The following AVL9 variants were observed in gnomAD, a reference collection of about 807,000 sequenced individuals.
The protein encoded by AVL9 is late secretory pathway protein AVL9 homolog.
AVL9 carries 49 observed loss-of-function variants against 79.2 expected under a neutral mutation model. The ratio of observed to expected loss-of-function variants is 0.62; its 90% CI spans 0.49 to 0.79. The LOEUF (loss-of-function observed/expected upper bound fraction) is 0.79, where lower values mean the gene tolerates loss of function less well. Among genes scored for constraint, AVL9 ranks in the 30% least tolerant of loss-of-function variants. The pLI, the probability that AVL9 is intolerant of heterozygous loss-of-function variation, is 0.00. For missense variants in AVL9, 682 were observed against 776.8 expected (o/e 0.88, Z 1.45); for synonymous variants, 299 against 280.6 (o/e 1.07, Z -0.65).
chr7:32,499,817 A>G (rs1025176285), intron 1 of AVL9, among the ~76,000 whole-genome samples: 2 of 151,590 alleles, frequency 1.3e-5, no homozygotes, highest in African/African-American at 2.4e-5. Flanking sequence ...TCATTGTTCA[A>G]CTCCCACTTA....
In AVL9 at chr7:32,585,619, A is replaced by T. The variant is rs1465200541; in HGVS notation, c.*1712A>T. ...GTTTATTCCTCACTAAATGTTTAAG[A>T]AGTAAATGCTCCCAAGGCATTTGAA... On this transcript the variant is annotated 3_prime_UTR_variant, in exon 16 of 16. Coordinates refer to ENST00000318709, the MANE Select transcript of AVL9 (RefSeq NM_015060.3). 3 of 152,252 alleles carry T rather than the reference A, an allele frequency of 2.0e-5. No homozygotes were observed. The highest frequency in any genetic ancestry group is 7.2e-5 in the African/African-American group (3 of 41,454). The allele number at this position is 152,252 out of a possible 1,614,324, so 9.4% of individuals were successfully genotyped here.
At chr7:32,580,095 C>T in intron 13 of AVL9, 124 bp from the exon 14 acceptor site, 2 of 710,350 alleles carry the variant, frequency 2.8e-6, no homozygotes, top group Non-Finnish European at 4.8e-6. Context: ...TTCCCGATAC[C>T]AAACACAGCA....
In AVL9 at chr7:32,521,177, G is replaced by A. The variant is rs571772987; in HGVS notation, c.94-21964G>A. Among the ~76,000 whole-genome samples the A allele has an allele frequency of 3.3e-5, 5 of 152,222 alleles. No individual in the cohort carries two copies. In the South Asian group the frequency reaches 1.0e-3, roughly 32 times the overall value. On this transcript the variant is annotated intron_variant, in intron 1 of 15. Transcript: ENST00000318709. Reference sequence around the variant, plus strand: ...CAGACTAATACAGTAAACTGGTACTGGTAGAGTGGGGCACTGCTGAAAATA... The same window carrying A: ...CAGACTAATACAGTAAACTGGTACTAGTAGAGTGGGGCACTGCTGAAAATA...
chr7:32,545,532 C>A (rs1047494824), intron 3 of AVL9, among the ~76,000 whole-genome samples: 1 of 151,648 alleles, frequency 6.6e-6, no homozygotes, highest in African/African-American at 2.4e-5. Flanking sequence ...CCACACCCAG[C>A]TAATTTTTGT....
chr7:32,500,627 T>C (rs1054398730), intron 1 of AVL9, among the ~76,000 whole-genome samples: 3 of 152,188 alleles, frequency 2.0e-5, no homozygotes, highest in African/African-American at 7.2e-5. Flanking sequence ...ATCCCATTTG[T>C]CAATTTTGTC....
chr7:32,500,747 G>GT (rs1787091729), intron 1 of AVL9, among the ~76,000 whole-genome samples: 1 of 152,018 alleles, frequency 6.6e-6, no homozygotes, highest in African/African-American at 2.4e-5. Context: ...TTAGGTGTTA[G>GT]TTTAAGTCTT....
intron 4 of AVL9, 52 bp downstream of exon 4, chr7:32,548,970 T>G: frequency 8.1e-7 from 1 of 1,227,078 alleles, no homozygotes; most frequent in Non-Finnish European, 1.1e-6. Flanking sequence ...GGCAGATCTT[T>G]CTTTAAGGAT....
At chr7:32,542,761 C>G (rs1356934524) in intron 1 of AVL9, among the ~76,000 whole-genome samples, 1 of 152,150 alleles carries the variant, frequency 6.6e-6, no homozygotes, top group East Asian at 1.9e-4. Context: ...CAACTTGGGG[C>G]TCCTTTGTTG....
At chr7:32,543,919 T>G (rs1789341189) in intron 2 of AVL9, among the ~76,000 whole-genome samples, 1 of 151,878 alleles carries the variant, frequency 6.6e-6, no homozygotes, top group African/African-American at 2.4e-5. Flanking sequence ...CTTTCTTTTT[T>G]TTTTTTGGAG....
At chr7:32,551,753 T>C (rs1789838497) in intron 5 of AVL9, among the ~76,000 whole-genome samples, 2 of 152,080 alleles carry the variant, frequency 1.3e-5, no homozygotes, top group Admixed American at 1.3e-4. Flanking sequence ...TATTTTTATA[T>C]ATTAGGTTTC....
rs757658402 is a variant in AVL9, at chr7:32,554,566, C to T, written c.579C>T (p.Ile193=). The change falls in exon 8 of 16, where the codon ATC becomes ATT. Residue 193 remains isoleucine (I), a synonymous_variant. Coordinates refer to ENST00000318709, the MANE Select transcript of AVL9 (RefSeq NM_015060.3). ...LVLHFRHKVL[I]LFKLILLEKK... is the part of the protein sequence containing the mutation. ...TTTTTTTCCTTTTGCAGGTCTTAAT[C>T]CTATTTAAGCTAATTCTTCTTGAAA... The T allele has an allele frequency of 1.3e-6, 2 of 1,521,044 alleles. No individual in the cohort carries two copies. The highest frequency in any genetic ancestry group is 1.2e-5 in the South Asian group (1 of 80,308). The allele number at this position is 1,521,044 out of a possible 1,614,324, so 94.2% of individuals were successfully genotyped here.
At chr7:32,581,159 C>T in intron 15 of AVL9, 1 of 426,946 alleles carries the variant, frequency 2.3e-6, no homozygotes, top group East Asian at 4.6e-5. Flanking sequence ...GTTTTCTTCC[C>T]CCATTCCCTG....
At chr7:32,496,123 C>T (rs528457443) in intron 1 of AVL9, among the ~76,000 whole-genome samples, 2 of 152,338 alleles carry the variant, frequency 1.3e-5, no homozygotes, top group Non-Finnish European at 2.9e-5. Context: ...ACTCTCTTCC[C>T]CGTCCATCAT....
intron 10 of AVL9, among the ~76,000 whole-genome samples, chr7:32,566,180 A>ATTTTTTTTTTTTTTTTTTTTTTTTTT (rs200639479): frequency 2.1e-5 from 2 of 93,876 alleles, no homozygotes; most frequent in African/African-American, 8.3e-5. Flanking sequence ...TATTATTATT[A>ATTTTTTTTTTTTTTTTTTTTTTTTTT]TTTTTTTTTT....
intron 1 of AVL9, among the ~76,000 whole-genome samples, chr7:32,504,246 G>A (rs534158985): frequency 6.6e-5 from 10 of 152,224 alleles, no homozygotes; most frequent in African/African-American, 2.4e-4. Context: ...TTGATCATTT[G>A]TTGGGAAAGT....
At chr7:32,512,927 A>G (rs562276889) in intron 1 of AVL9, among the ~76,000 whole-genome samples, 1 of 125,204 alleles carries the variant, frequency 8.0e-6, no homozygotes, top group South Asian at 2.3e-4. Flanking sequence ...CTCTTGTTTC[A>G]TACTAACTTC....
chr7:32,559,018 T>A lies in AVL9; in HGVS notation c.769T>A (p.Cys257Ser), dbSNP rs2290213. ...EDGGLQESNPCADDFVSASTA... is the reference protein window; with the variant it reads ...EDGGLQESNPSADDFVSASTA... Reference sequence around the variant, plus strand: ...TGGTGGGCTTCAGGAAAGTAACCCATGTGCAGATGATTTTGTTTCTGCATC... The same window carrying A: ...TGGTGGGCTTCAGGAAAGTAACCCAAGTGCAGATGATTTTGTTTCTGCATC... Residue 257 changes from cysteine to serine, a missense_variant, in exon 10 of 16, where the codon TGT becomes AGT. Transcript: ENST00000318709. 0.13 allele frequency: 216,231 copies of A among 1,612,848 alleles called. 15,400 individuals are homozygous for A. The highest frequency in any genetic ancestry group is 0.2 in the South Asian group (17,915 of 90,766).
At chr7:32,530,404 T>C (rs1583526232) in intron 1 of AVL9, among the ~76,000 whole-genome samples, 2 of 152,360 alleles carry the variant, frequency 1.3e-5, no homozygotes, top group African/African-American at 4.8e-5. Context: ...AATCAAATTC[T>C]ATTAATGCCA....
At chr7:32,531,557 G>A (rs1329514904) in intron 1 of AVL9, 1 of 151,952 alleles carries the variant, frequency 6.6e-6, no homozygotes, top group Non-Finnish European at 1.5e-5. Flanking sequence ...TGACCCCTTT[G>A]CGGGACTCAC....
Sources: gnomAD v4.1 joint callset for allele counts (sites outside exome capture counted in the v4.1 genomes callset) on GRCh38, gnomAD v4.1.1 for gene constraint, MANE v1.5 for transcripts, NCBI Gene and HGNC (gene_info 2026-07-23, HGNC 2026-07-21) for gene names.